The following KALRN variants were observed in gnomAD, a reference collection of about 807,000 sequenced individuals.
The protein encoded by KALRN is kalirin.
Under a neutral mutation model 353.7 loss-of-function variants are expected in KALRN, and 70 were observed. The ratio of observed to expected loss-of-function variants is 0.20; its 90% CI spans 0.16 to 0.24. The LOEUF is 0.24. KALRN is among the 10% of genes least tolerant of loss of function. KALRN has a pLI of 1.00. For missense variants in KALRN, 2,791 were observed against 3,756.7 expected, an observed-to-expected ratio of 0.74 and a Z score of 6.72; for synonymous variants, 1,391 against 1,434.8, an observed-to-expected ratio of 0.97 and a Z score of 0.69.
At chr3:124,472,874 A>G (rs2061077864) in intron 25 of KALRN, among the ~76,000 whole-genome samples, 1 of 152,162 alleles carries the variant, frequency 6.6e-6, no homozygotes, top group Admixed American at 6.5e-5. Context: ...ATATCATTAT[A>G]ATTACTCTTT....
At chr3:124,564,694 A>T (rs1302877879) in intron 34 of KALRN, among the ~76,000 whole-genome samples, 1 of 152,180 alleles carries the variant, frequency 6.6e-6, no homozygotes, top group Non-Finnish European at 1.5e-5. Flanking sequence ...AGTGTTTTTA[A>T]ATTTAATTTT....
intron 1 of KALRN, among the ~76,000 whole-genome samples, chr3:124,121,206 G>A (rs2063994594): frequency 6.6e-6 from 1 of 151,448 alleles, no homozygotes; most frequent in African/African-American, 2.4e-5. Context: ...ATCTGTGAAA[G>A]ATGCAGGAGT....
At chr3:124,169,367 G>A (rs1222096882) in intron 1 of KALRN, among the ~76,000 whole-genome samples, 2 of 152,108 alleles carry the variant, frequency 1.3e-5, no homozygotes, top group Non-Finnish European at 2.9e-5. Flanking sequence ...ACTGGGTCAG[G>A]GAGGATCTCC....
intron 6 of KALRN, among the ~76,000 whole-genome samples, chr3:124,309,580 C>T: frequency 6.6e-6 from 1 of 151,786 alleles, no homozygotes; most frequent in East Asian, 1.9e-4. Context: ...CAAAAAGAAA[C>T]AAAATCCAGC....
intron 5 of KALRN, 79 bp downstream of exon 5, chr3:124,269,334 G>A: frequency 7.0e-7 from 1 of 1,431,288 alleles, no homozygotes; most frequent in African/African-American, 1.4e-5. Context: ...TCTGATTAAT[G>A]ATAGTACTTT....
chr3:124,182,480 A>G (rs2073735055), intron 1 of KALRN, among the ~76,000 whole-genome samples: 1 of 152,222 alleles, frequency 6.6e-6, no homozygotes, highest in Admixed American at 6.5e-5. Context: ...GGCCTCTCCA[A>G]CATGGTAGCT....
At chr3:124,245,104 C>T (rs917566617) in intron 3 of KALRN, among the ~76,000 whole-genome samples, 2 of 152,174 alleles carry the variant, frequency 1.3e-5, no homozygotes, top group Admixed American at 6.5e-5. Context: ...TTCTATGTAA[C>T]TGTATTTTGT....
chr3:124,140,381 G>A (rs557183875), intron 1 of KALRN, among the ~76,000 whole-genome samples: 7 of 152,204 alleles, frequency 4.6e-5, no homozygotes, highest in South Asian at 2.1e-4. Context: ...ACTGACAAGC[G>A]AATAGAAGTG....
intron 1 of KALRN, among the ~76,000 whole-genome samples, chr3:124,195,844 A>G (rs2075371948): frequency 6.6e-6 from 1 of 152,222 alleles, no homozygotes; most frequent in African/African-American, 2.4e-5. Context: ...CGCTTGCATC[A>G]AACTCACCTG....
intron 3 of KALRN, among the ~76,000 whole-genome samples, chr3:124,256,922 GA>G (rs1433401114): frequency 6.6e-6 from 1 of 152,218 alleles, no homozygotes; most frequent in East Asian, 1.9e-4. Context: ...CAATACTGGG[GA>G]GGGAAACTGC....
At chr3:124,318,069 A>G (rs909243003) in intron 6 of KALRN, among the ~76,000 whole-genome samples, 1 of 152,198 alleles carries the variant, frequency 6.6e-6, no homozygotes, top group African/African-American at 2.4e-5. Context: ...CTTTGGACAT[A>G]TGGCCAGGCG....
At chr3:124,617,472 A>T (rs1314709282) in intron 34 of KALRN, among the ~76,000 whole-genome samples, 2 of 152,256 alleles carry the variant, frequency 1.3e-5, no homozygotes, top group African/African-American at 2.4e-5. Context: ...TATTCAGAGC[A>T]AAAGGAGAAC....
intron 51 of KALRN, among the ~76,000 whole-genome samples, 172 bp from the exon 52 acceptor site, chr3:124,693,632 A>G (rs971138709): frequency 1.3e-5 from 2 of 152,204 alleles, no homozygotes; most frequent in South Asian, 2.1e-4. Flanking sequence ...AATTGTTGCT[A>G]AAGAGAGGTT....
chr3:124,378,991 G>C (rs1017409385), intron 10 of KALRN, among the ~76,000 whole-genome samples: 4 of 151,828 alleles, frequency 2.6e-5, no homozygotes, highest in Non-Finnish European at 1.5e-5. Flanking sequence ...TATATCTTTA[G>C]GTATCTTTTC....
rs1021471684 is a variant in KALRN at position 124,720,941 on chromosome 3, A to T, written c.*1471A>T. ...ATTGCGATTATACAAGTAAGATTTT[A>T]AAAATGTAACTCAAGTGTTTGTTCA... On this transcript the variant is annotated 3_prime_UTR_variant, in exon 60 of 60. Transcript: ENST00000682506. 3 of 152,226 alleles carry T rather than the reference A, an allele frequency of 2.0e-5. No individual in the cohort carries two copies. The highest frequency in any genetic ancestry group is 2.9e-5 in the Non-Finnish European group (2 of 68,036). 9.4% of individuals were successfully genotyped at this position (152,226 alleles called of 1,614,324 possible). A position where few individuals can be genotyped will look rare whatever the true frequency, so the allele number is the denominator to read the frequency against.
intron 27 of KALRN, among the ~76,000 whole-genome samples, chr3:124,479,087 C>A (rs2061706832): frequency 6.6e-6 from 1 of 152,236 alleles, no homozygotes; most frequent in Non-Finnish European, 1.5e-5. Context: ...CATCTCCCTC[C>A]ACCTGTGAGC....
intron 3 of KALRN, among the ~76,000 whole-genome samples, chr3:124,257,856 G>A (rs1290744688): frequency 6.6e-6 from 1 of 152,190 alleles, no homozygotes; most frequent in African/African-American, 2.4e-5. Context: ...TAAAAAATAA[G>A]GATATAAAAG....
chr3:124,390,928 G>A (rs1461259064), intron 11 of KALRN, among the ~76,000 whole-genome samples: 5 of 152,028 alleles, frequency 3.3e-5, no homozygotes, highest in Admixed American at 6.6e-5. Flanking sequence ...GCAGGAGAGG[G>A]TCTGTGGGCT....
chr3:124,628,545 C>T (rs1578464627), intron 34 of KALRN, among the ~76,000 whole-genome samples: 2 of 95,904 alleles, frequency 2.1e-5, no homozygotes. Flanking sequence ...TCCTTTCTTT[C>T]CTTTTCTTTC....
Sources: gnomAD v4.1 joint callset for allele counts (sites outside exome capture counted in the v4.1 genomes callset) on GRCh38, gnomAD v4.1.1 for gene constraint, MANE v1.5 for transcripts, NCBI Gene and HGNC (gene_info 2026-07-23, HGNC 2026-07-21) for gene names.